Variants in RGS14 observed in about 807,000 individuals in gnomAD.
RGS14 encodes the protein regulator of G protein signaling 14, also known as regulator of G-protein signaling 14.
Under a neutral mutation model 63.8 loss-of-function variants are expected in RGS14, and 33 were observed. The observed-to-expected ratio is 0.52, with a 90% CI of 0.39 to 0.69. The LOEUF is 0.69. Ranked by LOEUF, RGS14 falls within the 30% of genes least tolerant of loss-of-function variation. The pLI is 0.00. For missense variants in RGS14, 739 were observed against 742.9 expected (o/e 0.99, Z 0.06); for synonymous variants, 296 against 320.9 (o/e 0.92, Z 0.83).
At chr5:177,370,464 AC>A in intron 9 of RGS14, 126 bp from the exon 10 acceptor site, 1 of 818,594 alleles carries the variant, frequency 1.2e-6, no homozygotes, top group Non-Finnish European at 2.1e-6. Context: ...CAGCTCTTCC[AC>A]CCTCCATCCC....
In RGS14 at chr5:177,372,099, G is replaced by T; in HGVS notation, c.*24G>T. The T allele has an allele frequency of 6.2e-7, 1 of 1,602,778 alleles. No homozygotes were observed. The highest frequency in any genetic ancestry group is 8.5e-7 in the Non-Finnish European group (1 of 1,171,616). ...GACAGCTACCCAACAGTCCAGGACA[G>T]CTGCATGGCACCCGGCGGGCCGAGC... On this transcript the variant is annotated 3_prime_UTR_variant, in exon 15 of 15. Coordinates refer to ENST00000408923, the MANE Select transcript of RGS14 (RefSeq NM_006480.5).
intron 9 of RGS14, 74 bp from the exon 10 acceptor site, chr5:177,370,517 G>T (rs140531554): frequency 1.8e-5 from 25 of 1,372,706 alleles, no homozygotes; most frequent in Non-Finnish European, 2.4e-5. Flanking sequence ...AGGGCGTGAA[G>T]TTGTTCTCAG....
chr5:177,360,258 C>T (rs1333648978), intron 1 of RGS14, among the ~76,000 whole-genome samples: 1 of 152,166 alleles, frequency 6.6e-6, no homozygotes, highest in Non-Finnish European at 1.5e-5. Flanking sequence ...GTCCCTGCCC[C>T]CTAGTCTGGC....
chr5:177,367,739 C>T lies in RGS14; in HGVS notation c.653C>T (p.Ser218Leu). 1 of 1,613,134 alleles carries T rather than the reference C, an allele frequency of 6.2e-7. No homozygotes were observed. Among genetic ancestry groups the T allele is most frequent in the African/African-American group, 1.3e-5 (1 of 75,050 alleles). Residue 218 changes from serine (S) to leucine (L), a missense_variant, in exon 7 of 15, where the codon TCG (serine) becomes TTG (leucine). By Grantham distance (145) the Ser-to-Leu change is moderately radical (BLOSUM62 -2). Transcript: ENST00000408923. ...RKKPKLKPGK[S>L]LPLGVEELGQ... is the part of the protein sequence containing the mutation. ...AAGCCGAAGCTGAAGCCCGGGAAGT[C>T]GCTGCCGCTGGGTGTGGAGGAGTTG...
intron 1 of RGS14, among the ~76,000 whole-genome samples, chr5:177,365,233 C>T (rs1027578866): frequency 6.6e-6 from 1 of 152,192 alleles, no homozygotes; most frequent in African/African-American, 2.4e-5. Context: ...GCTCTTGTCA[C>T]CCGGGCTGGA....
chr5:177,369,651 T>C (rs924636683), intron 9 of RGS14, among the ~76,000 whole-genome samples: 1 of 152,136 alleles, frequency 6.6e-6, no homozygotes, highest in Non-Finnish European at 1.5e-5. Flanking sequence ...CAGCAGTAGA[T>C]GTGGATGGGC....
At position 177,367,409 on chromosome 5, in the gene RGS14, C is replaced by T. The variant is rs758162823; in HGVS notation, c.484-5C>T. On this transcript the variant is annotated splice_polypyrimidine_tract_variant and splice_region_variant and intron_variant, in intron 5 of 14. Coordinates refer to ENST00000408923, the MANE Select transcript of RGS14 (RefSeq NM_006480.5). Reference sequence around the variant, plus strand: ...CGGCTCACCTGTTCCGGGGTCGCCCCGCAGATCTTCAACTTGATGAAGTTC... The same window carrying T: ...CGGCTCACCTGTTCCGGGGTCGCCCTGCAGATCTTCAACTTGATGAAGTTC... 1.3e-6 allele frequency: 2 copies of T among 1,598,034 alleles called. No homozygotes were observed. Among genetic ancestry groups the T allele is most frequent in the Non-Finnish European group, 8.5e-7 (1 of 1,171,162 alleles).
chr5:177,372,134 G>A lies in RGS14; in HGVS notation c.*59G>A. 1.3e-6 allele frequency: 2 copies of A among 1,501,660 alleles called. No individual in the cohort carries two copies. The highest frequency in any genetic ancestry group is 1.8e-6 in the Non-Finnish European group (2 of 1,090,432). The allele number at this position is 1,501,660 out of a possible 1,614,324, so 93.0% of individuals were successfully genotyped here. A position where few individuals can be genotyped will look rare whatever the true frequency, so the allele number is the denominator to read the frequency against. ...ACCCGGCGGGCCGAGCATGCCATGG[G>A]TCCGCTCTGCATGCCCTGTCTGTGC... On this transcript the variant is annotated 3_prime_UTR_variant, in exon 15 of 15. Coordinates refer to ENST00000408923, the MANE Select transcript of RGS14 (RefSeq NM_006480.5).
Position 177,366,927 on chromosome 5 carries a change from C to G in RGS14, c.376C>G (p.Leu126Val), listed in dbSNP as rs1762109067. The G allele has an allele frequency of 6.2e-7, 1 of 1,613,882 alleles. No individual in the cohort carries two copies. ...QEARNIYQEF[L>V]SSQALSPVNI... ...GGCCCGCAACATCTACCAGGAGTTCCTGTCCAGCCAGGCGCTGAGCCCAGT... is the reference window on the plus strand; with the variant it reads ...GGCCCGCAACATCTACCAGGAGTTCGTGTCCAGCCAGGCGCTGAGCCCAGT... The change falls in exon 5 of 15, where the codon CTG becomes GTG. Residue 126 changes from leucine (L) to valine (V), a missense_variant. By Grantham distance (32) the Leu-to-Val change is conservative. Transcript: ENST00000408923.
chr5:177,366,652 A>G (rs1762099185), intron 3 of RGS14, 56 bp from the exon 4 acceptor site: 1 of 1,514,358 alleles, frequency 6.6e-7, no homozygotes, highest in Non-Finnish European at 9.2e-7. Flanking sequence ...CACATCCCCC[A>G]GTTTGGTCTC....
chr5:177,368,581 C>T, intron 8 of RGS14, 136 bp from the exon 9 acceptor site: 1 of 865,100 alleles, frequency 1.2e-6, no homozygotes, highest in Non-Finnish European at 1.8e-6. Context: ...TGTGTTCCTG[C>T]AGGAGGACGT....
In RGS14 at chr5:177,367,751, G is replaced by C; in HGVS notation, c.665G>C (p.Gly222Ala). 1 of 1,613,342 alleles carries C rather than the reference G, an allele frequency of 6.2e-7. No individual in the cohort carries two copies. Among genetic ancestry groups the C allele is most frequent in the Non-Finnish European group, 8.5e-7 (1 of 1,179,812 alleles). Residue 222 changes from glycine (G) to alanine (A), a missense_variant, in exon 7 of 15, where the codon GGT becomes GCT. Gly to Ala is a moderately conservative substitution (Grantham distance 60, BLOSUM62 0). Transcript: ENST00000408923. ...AAGCCCGGGAAGTCGCTGCCGCTGG[G>C]TGTGGAGGAGTTGGGGCAGCTGCCA... is the stretch of plus-strand genomic sequence containing the variant. ...KLKPGKSLPL[G>A]VEELGQLPPV...
At chr5:177,366,404 G>A in intron 3 of RGS14, 49 bp downstream of exon 3, 1 of 1,470,702 alleles carries the variant, frequency 6.8e-7, no homozygotes, top group African/African-American at 1.4e-5. Flanking sequence ...AGAGGGCAGG[G>A]CGTGGATGGA....
chr5:177,371,436 T>TC lies in RGS14; in HGVS notation c.1384-35dup. 6.2e-7 allele frequency: 1 copy of TC among 1,613,944 alleles called. No homozygotes were observed. Among genetic ancestry groups the TC allele is most frequent in the Non-Finnish European group, 8.5e-7 (1 of 1,179,938 alleles). On this transcript the variant is annotated intron_variant, in intron 13 of 14. Coordinates refer to ENST00000408923, the MANE Select transcript of RGS14 (RefSeq NM_006480.5). This position sits in a 1 kb window ranked among gnomAD's most constrained non-coding sequence, Gnocchi z 6.1. ...AGTGGCCTCTTCCACCCTCTGCTTC[T>TC]CCCCTCCCGATTTTGGCTCTGACCC...
At position 177,372,044 on chromosome 5, in the gene RGS14, C is replaced by T; in HGVS notation, c.1670C>T (p.Ser557Phe). ...TKSAAQPIGGSLNSTTDSAL is the reference protein window; with the variant it reads ...TKSAAQPIGGFLNSTTDSAL ...TCAGCAGCCCAGCCCATCGGGGGAT[C>T]CTTGAACTCCACCACCGACTCAGCC... Residue 557 changes from serine to phenylalanine, a missense_variant, in exon 15 of 15, where the codon TCC (serine) becomes TTC (phenylalanine). Ser to Phe is a radical substitution (Grantham distance 155). Transcript: ENST00000408923. 6.2e-7 allele frequency: 1 copy of T among 1,614,110 alleles called. No homozygotes were observed. The highest frequency in any genetic ancestry group is 2.2e-5 in the East Asian group (1 of 44,888).
chr5:177,367,192 C>G, intron 5 of RGS14, 158 bp downstream of exon 5: 1 of 1,134,984 alleles, frequency 8.8e-7, no homozygotes, highest in Non-Finnish European at 1.2e-6. Context: ...GCTCAGAGGG[C>G]GGTATCAGAG....
chr5:177,360,480 T>C, intron 1 of RGS14, among the ~76,000 whole-genome samples: 1 of 146,426 alleles, frequency 6.8e-6, no homozygotes, highest in African/African-American at 2.6e-5. Context: ...GGGAGGATCG[T>C]TTGACCCCAG....
intron 1 of RGS14, among the ~76,000 whole-genome samples, chr5:177,361,292 A>G (rs73336260): frequency 0.13 from 19,249 of 152,202 alleles, 1,730 homozygotes; most frequent in African/African-American, 0.25. Flanking sequence ...GCAGCCCCTC[A>G]AGCTAGGATG....
intron 1 of RGS14, among the ~76,000 whole-genome samples, chr5:177,363,070 G>T (rs1174053635): frequency 6.6e-6 from 1 of 152,166 alleles, no homozygotes; most frequent in Non-Finnish European, 1.5e-5. Flanking sequence ...GCGTCTCCGA[G>T]GCTGGGAACA....
Sources: allele counts gnomAD v4.1 joint callset (sites outside exome capture counted in the v4.1 genomes callset), GRCh38; gene constraint gnomAD v4.1.1; non-coding constraint Gnocchi (gnomAD v3.1); transcripts MANE v1.5; gene names NCBI Gene and HGNC (gene_info 2026-07-23, HGNC 2026-07-21).